Variants in TMEM217B observed in about 807,000 individuals in gnomAD.
The protein encoded by TMEM217B is transmembrane protein 217B.
At chr6:37,214,266 C>T in the TMEM217B span, among the ~76,000 whole-genome samples, 1 of 152,172 alleles carries the variant, frequency 6.6e-6, no homozygotes, top group Non-Finnish European at 1.5e-5. Flanking sequence ...CTTGCTCTGT[C>T]ACCCAGGCTG....
the TMEM217B span, among the ~76,000 whole-genome samples, chr6:37,248,913 T>C: frequency 5.3e-5 from 8 of 152,230 alleles, no homozygotes; most frequent in African/African-American, 1.9e-4. Flanking sequence ...AAACTCATGC[T>C]TCAAAGTCTC....
the TMEM217B span, among the ~76,000 whole-genome samples, chr6:37,240,791 TG>T: frequency 2.6e-5 from 4 of 152,258 alleles, no homozygotes; most frequent in Non-Finnish European, 4.4e-5. Flanking sequence ...ATCAAATGGT[TG>T]TTACTAATTC....
At chr6:37,239,640 A>T in the TMEM217B span, among the ~76,000 whole-genome samples, 1 of 152,174 alleles carries the variant, frequency 6.6e-6, no homozygotes, top group Non-Finnish European at 1.5e-5. Context: ...TCATGGTAAG[A>T]ACTTTTTATT....
At chr6:37,251,720 T>C in the TMEM217B span, among the ~76,000 whole-genome samples, 1 of 152,194 alleles carries the variant, frequency 6.6e-6, no homozygotes, top group African/African-American at 2.4e-5. Flanking sequence ...CGGAGGGGAA[T>C]GAGATCAGAG....
the TMEM217B span, among the ~76,000 whole-genome samples, chr6:37,216,059 A>T: frequency 6.6e-6 from 1 of 151,558 alleles, no homozygotes; most frequent in East Asian, 1.9e-4. Context: ...GACAGACATA[A>T]TCAGATTTGA....
chr6:37,252,370 AAG>A, the TMEM217B span, among the ~76,000 whole-genome samples: 1 of 152,046 alleles, frequency 6.6e-6, no homozygotes, highest in Non-Finnish European at 1.5e-5. Flanking sequence ...GAATAGCTGC[AAG>A]AGAGACCATA....
chr6:37,226,354 G>A, the TMEM217B span, among the ~76,000 whole-genome samples: 2 of 127,524 alleles, frequency 1.6e-5, no homozygotes, highest in South Asian at 2.7e-4. Context: ...GTGCAGTGGC[G>A]CTATCTTGGC....
the TMEM217B span, among the ~76,000 whole-genome samples, chr6:37,246,093 C>T: frequency 2.6e-5 from 4 of 152,118 alleles, no homozygotes; most frequent in South Asian, 2.1e-4. Flanking sequence ...TGAGCCACTG[C>T]GCCCGGCCAA....
the TMEM217B span, among the ~76,000 whole-genome samples, chr6:37,215,570 CAAAAAAAAAAAAAAAAAAAA>C: frequency 5.5e-5 from 4 of 72,376 alleles, no homozygotes; most frequent in Non-Finnish European, 7.2e-5. Context: ...GACTCTGTCT[CAAAAAAAAAAAAAAAAAAAA>C]AAAAAAAAAA....
At chr6:37,246,849 G>A in the TMEM217B span, among the ~76,000 whole-genome samples, 1 of 151,356 alleles carries the variant, frequency 6.6e-6, no homozygotes, top group Non-Finnish European at 1.5e-5. Flanking sequence ...GCCGCAGTGA[G>A]CCATGATTGT....
At chr6:37,220,625 G>A in the TMEM217B span, among the ~76,000 whole-genome samples, 19 of 151,446 alleles carry the variant, frequency 1.3e-4, no homozygotes, top group Admixed American at 7.3e-4. Flanking sequence ...GTTTAAAGTC[G>A]TCCTAAACTG....
At chr6:37,237,096 C>T in the TMEM217B span, among the ~76,000 whole-genome samples, 2 of 152,170 alleles carry the variant, frequency 1.3e-5, no homozygotes, top group Non-Finnish European at 2.9e-5. Flanking sequence ...AACACGTTTC[C>T]TGGACACTAT....
the TMEM217B span, chr6:37,219,081 G>A: frequency 1.2e-5 from 19 of 1,536,312 alleles, no homozygotes; most frequent in Non-Finnish European, 1.6e-5. Flanking sequence ...TCTAGTTCCT[G>A]CCAACATGGT....
the TMEM217B span, among the ~76,000 whole-genome samples, chr6:37,224,209 G>T: frequency 6.6e-6 from 1 of 150,972 alleles, no homozygotes; most frequent in African/African-American, 2.4e-5. Context: ...AAAGTGCTGG[G>T]ATTACAGGCG....
the TMEM217B span, chr6:37,257,687 T>C: frequency 3.7e-6 from 2 of 544,302 alleles, no homozygotes; most frequent in Non-Finnish European, 3.3e-6. Flanking sequence ...TTCAGCGGCC[T>C]GCAGGATTCC....
chr6:37,218,471 C>A, the TMEM217B span: 3 of 1,613,686 alleles, frequency 1.9e-6, no homozygotes. Flanking sequence ...GCCACTGAAC[C>A]CACTCGAAAT....
chr6:37,240,977 G>T, the TMEM217B span, among the ~76,000 whole-genome samples: 1 of 151,866 alleles, frequency 6.6e-6, no homozygotes. Context: ...CATTTATGAA[G>T]TATTTGTTAA....
chr6:37,237,320 C>T, the TMEM217B span, among the ~76,000 whole-genome samples: 5 of 152,174 alleles, frequency 3.3e-5, no homozygotes, highest in African/African-American at 4.8e-5. Context: ...TCTCTGCCTC[C>T]CTCAGTCCTG....
the TMEM217B span, among the ~76,000 whole-genome samples, chr6:37,229,060 A>G: frequency 2.4e-4 from 37 of 152,050 alleles, no homozygotes; most frequent in Non-Finnish European, 4.0e-4. Context: ...ATAAAAGCTT[A>G]CTTTGTGCCA....
Sources: allele counts gnomAD v4.1 joint callset (sites outside exome capture counted in the v4.1 genomes callset), GRCh38; gene constraint gnomAD v4.1.1; transcripts MANE v1.5; gene names NCBI Gene and HGNC (gene_info 2026-07-23, HGNC 2026-07-21).